MIB1: variants seen among roughly 807,000 people sequenced by gnomAD.
The protein encoded by MIB1 is E3 ubiquitin-protein ligase MIB1.
Under a neutral mutation model 124.5 loss-of-function variants are expected in MIB1, and 278 were observed. The observed-to-expected ratio is 2.23, with a 90% CI of 2.02 to 2.47. MIB1 has a LOEUF of 2.47. Among genes scored for constraint, MIB1 ranks in the 30% most tolerant of loss-of-function variants. The pLI is 0.00. For synonymous variants in MIB1, 446 were observed against 429.4 expected (o/e 1.04, Z -0.48); for missense variants, 957 against 1,254.4 (o/e 0.76, Z 3.58).
intron 9 of MIB1, 38 bp from the exon 10 acceptor site, chr18:21,803,869 T>G: frequency 1.4e-6 from 2 of 1,443,630 alleles, no homozygotes; most frequent in South Asian, 1.1e-5. Context: ...TTTCTGATTA[T>G]TCATTCATTC....
intron 12 of MIB1, chr18:21,825,884 C>A: frequency 2.7e-6 from 1 of 376,126 alleles, no homozygotes; most frequent in South Asian, 1.9e-5. Context: ...CATACCAATG[C>A]TTCAGTCACT....
intron 3 of MIB1, among the ~76,000 whole-genome samples, chr18:21,770,185 CAG>C: frequency 6.6e-6 from 1 of 152,242 alleles, no homozygotes. Flanking sequence ...CCCTGGGTGA[CAG>C]AGTGAGACTC....
At chr18:21,811,697 A>T (rs751083695) in intron 10 of MIB1, among the ~76,000 whole-genome samples, 4 of 152,048 alleles carry the variant, frequency 2.6e-5, no homozygotes, top group Admixed American at 2.6e-4. Context: ...GTTTCCAGAG[A>T]TGGGGGGGTA....
chr18:21,818,890 G>A (rs1322117209), intron 11 of MIB1, among the ~76,000 whole-genome samples: 6 of 152,066 alleles, frequency 3.9e-5, no homozygotes, highest in African/African-American at 9.7e-5. Context: ...AGCTGAGATC[G>A]CGCTATTGTA....
chr18:21,768,609 A>G lies in MIB1; in HGVS notation c.402-14A>G. 1.3e-6 allele frequency: 2 copies of G among 1,491,380 alleles called. No individual in the cohort carries two copies. The highest frequency in any genetic ancestry group is 1.8e-6 in the Non-Finnish European group (2 of 1,108,026). The allele number at this position is 1,491,380 out of a possible 1,614,324, so 92.4% of individuals were successfully genotyped here. On this transcript the variant is annotated splice_polypyrimidine_tract_variant and intron_variant, in intron 2 of 20. Coordinates refer to ENST00000261537, the MANE Select transcript of MIB1 (RefSeq NM_020774.4). Reference sequence around the variant, plus strand: ...TTTTTATATAAACTTGAAAATAAATAATTTTATTTTTAGGGTTCTGTTAGA... The same window carrying G: ...TTTTTATATAAACTTGAAAATAAATGATTTTATTTTTAGGGTTCTGTTAGA...
At chr18:21,864,459 A>G (rs2042304145) in intron 20 of MIB1, 67 bp from the exon 21 acceptor site, 1 of 1,266,018 alleles carries the variant, frequency 7.9e-7, no homozygotes, top group South Asian at 1.4e-5. Context: ...AATTAATGAT[A>G]TATAACAGTC....
chr18:21,807,892 T>A (rs774710289), intron 10 of MIB1, among the ~76,000 whole-genome samples: 15 of 152,334 alleles, frequency 9.8e-5, no homozygotes, highest in Non-Finnish European at 1.5e-4. Flanking sequence ...GTATAATGAA[T>A]CTTATGTACC....
intron 12 of MIB1, chr18:21,829,224 A>G (rs529734318): frequency 2.9e-6 from 1 of 344,244 alleles, no homozygotes; most frequent in African/African-American, 2.2e-5. Context: ...TTTTGTAACA[A>G]GTTTACCTGA....
At chr18:21,857,106 A>G in intron 18 of MIB1, 24 bp from the exon 19 acceptor site, 1 of 1,492,854 alleles carries the variant, frequency 6.7e-7, no homozygotes, top group Non-Finnish European at 9.3e-7. Context: ...TCTTGTAAGA[A>G]GTGTCTGTGT....
Position 21,828,911 on chromosome 18 carries a change from A to C in MIB1, c.1829+9265A>C, listed in dbSNP as rs149066998. ...TAGTATTGCCAAAGGTCATCTGTTC[A>C]TGACTAGGTTAATTTACCATATGAC... is the stretch of plus-strand genomic sequence containing the variant. On this transcript the variant is annotated intron_variant, in intron 12 of 20. Transcript: ENST00000261537. 95 of 421,992 alleles carry C rather than the reference A, an allele frequency of 2.3e-4. No individual in the cohort carries two copies. The East Asian group carries it at 6.0e-3, about 27-fold the overall frequency. The allele number at this position is 421,992 out of a possible 1,614,324, so 26.1% of individuals were successfully genotyped here.
intron 7 of MIB1, among the ~76,000 whole-genome samples, chr18:21,793,432 A>G (rs2041530227): frequency 6.6e-6 from 1 of 152,188 alleles, no homozygotes; most frequent in African/African-American, 2.4e-5. Context: ...TTAAATTCCC[A>G]TACACAGTTA....
chr18:21,861,186 A>G (rs1021870855), intron 20 of MIB1, among the ~76,000 whole-genome samples: 13 of 152,306 alleles, frequency 8.5e-5, no homozygotes, highest in Non-Finnish European at 1.3e-4. Context: ...ATAAGTGAAG[A>G]TCAATATGAA....
Position 21,838,381 on chromosome 18 carries a change from C to A in MIB1, c.1846C>A (p.Leu616Ile). 6.3e-7 allele frequency: 1 copy of A among 1,596,560 alleles called. No individual in the cohort carries two copies. Among genetic ancestry groups the A allele is most frequent in the South Asian group, 1.1e-5 (1 of 87,388 alleles). The change falls in exon 13 of 21, where the codon CTA becomes ATA. Residue 616 changes from leucine (L) to isoleucine (I), a missense_variant. Physicochemically the swap from Leu to Ile is conservative, Grantham distance 5 (BLOSUM62 2). Transcript: ENST00000261537. Reference sequence around the variant, plus strand: ...AACTTTCAGTGCAATGCGTGTTTTACTATCTAAATTACCAAGACCATGGAT... The same window carrying A: ...AACTTTCAGTGCAATGCGTGTTTTAATATCTAAATTACCAAGACCATGGAT... ...RGNPSAMRVLLSKLPRPWIVD... is the reference protein window; with the variant it reads ...RGNPSAMRVLISKLPRPWIVD...
intron 14 of MIB1, 40 bp from the exon 15 acceptor site, chr18:21,844,052 T>A: frequency 6.2e-7 from 1 of 1,607,258 alleles, no homozygotes. Context: ...TTCTTATGGA[T>A]GTGGACACTT....
rs957369557 is a variant in MIB1 at position 21,757,890 on chromosome 18, C to T, written c.230-7882C>T. On this transcript the variant is annotated intron_variant, in intron 1 of 20. Coordinates refer to ENST00000261537, the MANE Select transcript of MIB1 (RefSeq NM_020774.4). ...GTAGAGTGCATGGGGGAACATGATG[C>T]CCTAGATACGTAATTATTCTTTAAA... is the stretch of plus-strand genomic sequence containing the variant. 2.0e-5 allele frequency among the ~76,000 whole-genome samples: 3 copies of T among 152,044 alleles called. No individual in the cohort carries two copies. In the East Asian group the frequency reaches 5.8e-4, roughly 29 times the overall value.
chr18:21,809,703 C>G (rs773183245), intron 10 of MIB1, among the ~76,000 whole-genome samples: 8 of 152,030 alleles, frequency 5.3e-5, no homozygotes, highest in Non-Finnish European at 2.9e-5. Context: ...AATTTAACAC[C>G]CTTTCATGAT....
chr18:21,864,775 CT>C lies in MIB1; in HGVS notation c.*112del. ...GAGTTAATTTCTAATATCATAGTTT[CT>C]TTACTAGAGTATAATTGGGCTGTAA... On this transcript the variant is annotated 3_prime_UTR_variant, in exon 21 of 21. Transcript: ENST00000261537. 1 of 779,602 alleles carries C rather than the reference CT, an allele frequency of 1.3e-6. No individual in the cohort carries two copies. The highest frequency in any genetic ancestry group is 2.0e-6 in the Non-Finnish European group (1 of 503,118). The allele number at this position is 779,602 out of a possible 1,614,324, so 48.3% of individuals were successfully genotyped here.
At chr18:21,789,482 C>T (rs1441450475) in intron 6 of MIB1, among the ~76,000 whole-genome samples, 1 of 152,120 alleles carries the variant, frequency 6.6e-6, no homozygotes, top group African/African-American at 2.4e-5. Flanking sequence ...GGGCATAATT[C>T]AACCCACAAT....
intron 20 of MIB1, among the ~76,000 whole-genome samples, chr18:21,860,942 G>A (rs2042271369): frequency 6.6e-6 from 1 of 152,140 alleles, no homozygotes; most frequent in South Asian, 2.1e-4. Flanking sequence ...GGGGAACTGA[G>A]GCAGGAGGAT....
Sources: gnomAD v4.1 joint callset for allele counts (sites outside exome capture counted in the v4.1 genomes callset) on GRCh38, gnomAD v4.1.1 for gene constraint, MANE v1.5 for transcripts, NCBI Gene and HGNC (gene_info 2026-07-23, HGNC 2026-07-21) for gene names.